DNER: variants seen among roughly 807,000 people sequenced by gnomAD.
The protein encoded by DNER is delta/notch like EGF repeat containing, also known as delta and Notch-like epidermal growth factor-related receptor.
In DNER, 33 loss-of-function variants were observed where a neutral mutation model predicts 78.2. That is an observed-to-expected ratio of 0.42 (90% CI 0.32 to 0.56). DNER has a LOEUF of 0.56. Among genes scored for constraint, DNER ranks in the 20% least tolerant of loss-of-function variants. DNER has a pLI of 0.11. For synonymous variants in DNER, 417 were observed against 384.8 expected (o/e 1.08, Z -0.98); for missense variants, 918 against 975.3 (o/e 0.94, Z 0.78).
At chr2:229,645,409 T>G (rs1303837654) in intron 1 of DNER, among the ~76,000 whole-genome samples, 1 of 152,234 alleles carries the variant, frequency 6.6e-6, no homozygotes, top group Admixed American at 6.5e-5. Context: ...ATCAAACTTA[T>G]GCTAAACAAC....
At chr2:229,499,931 C>T (rs367638836) in intron 6 of DNER, among the ~76,000 whole-genome samples, 33 of 134,824 alleles carry the variant, frequency 2.4e-4, no homozygotes, top group Non-Finnish European at 3.5e-4. Flanking sequence ...GACTTTCTTT[C>T]TTTTTTTTTT....
intron 1 of DNER, among the ~76,000 whole-genome samples, chr2:229,686,581 G>A (rs893965723): frequency 2.6e-5 from 4 of 151,940 alleles, no homozygotes; most frequent in Non-Finnish European, 4.4e-5. Flanking sequence ...AGAGACCACC[G>A]CACCCCATCT....
intron 8 of DNER, among the ~76,000 whole-genome samples, chr2:229,439,217 GC>G (rs1451692155): frequency 6.6e-6 from 1 of 152,180 alleles, no homozygotes; most frequent in Non-Finnish European, 1.5e-5. Flanking sequence ...ATTCAAGAAT[GC>G]CCACTATGGC....
intron 10 of DNER, among the ~76,000 whole-genome samples, chr2:229,395,728 A>C (rs1276757371): frequency 6.6e-6 from 1 of 152,122 alleles, no homozygotes; most frequent in African/African-American, 2.4e-5. Flanking sequence ...GTAAAACCCC[A>C]TCTCTACTAA....
chr2:229,425,665 A>C (rs1693859196), intron 8 of DNER, among the ~76,000 whole-genome samples: 1 of 152,180 alleles, frequency 6.6e-6, no homozygotes, highest in African/African-American at 2.4e-5. Flanking sequence ...TCACAGGAGT[A>C]CTTTCCCTCT....
intron 1 of DNER, among the ~76,000 whole-genome samples, chr2:229,707,095 C>G (rs1271360208): frequency 6.6e-6 from 1 of 151,644 alleles, no homozygotes; most frequent in Non-Finnish European, 1.5e-5. Flanking sequence ...CTCACTGCAA[C>G]CTCTGCCTTC....
chr2:229,358,808 C>A (rs1692148985), intron 12 of DNER, among the ~76,000 whole-genome samples, 157 bp from the exon 13 acceptor site: 2 of 152,190 alleles, frequency 1.3e-5, no homozygotes, highest in African/African-American at 4.8e-5. Flanking sequence ...AATATTAACA[C>A]TGAATGTGTA....
At position 229,591,112 on chromosome 2, in the gene DNER, T is replaced by C; in HGVS notation, c.585+468A>G. Among the ~76,000 whole-genome samples, 1 of 152,214 alleles carries C rather than the reference T, an allele frequency of 6.6e-6. No individual in the cohort carries two copies. The highest frequency in any genetic ancestry group is 1.9e-4 in the East Asian group (1 of 5,194). ...GAACAATGAGCCAATAAACTTCTTT[T>C]CTCTATAAATTGCCCAGCCTCATGT... On this transcript the variant is annotated intron_variant, in intron 2 of 12. Coordinates refer to ENST00000341772, the MANE Select transcript of DNER (RefSeq NM_139072.4). This position sits in a 1 kb window ranked among gnomAD's most constrained non-coding sequence, Gnocchi z 4.6.
intron 1 of DNER, among the ~76,000 whole-genome samples, chr2:229,693,074 C>T (rs1699607368): frequency 6.6e-6 from 1 of 151,866 alleles, no homozygotes; most frequent in Non-Finnish European, 1.5e-5. Flanking sequence ...TTCCCATAAT[C>T]CCCACATGTC....
intron 1 of DNER, among the ~76,000 whole-genome samples, chr2:229,619,431 A>G (rs1050197534): frequency 1.1e-4 from 17 of 152,208 alleles, no homozygotes; most frequent in African/African-American, 4.1e-4. Flanking sequence ...GTGCAGAGAG[A>G]CATCTGGCTT....
chr2:229,657,024 C>T (rs1698924790), intron 1 of DNER, among the ~76,000 whole-genome samples: 2 of 104,016 alleles, frequency 1.9e-5, no homozygotes, highest in African/African-American at 8.4e-5. Context: ...TGAGAACATG[C>T]CAAGATCTAC....
chr2:229,678,129 C>T (rs759419457), intron 1 of DNER, among the ~76,000 whole-genome samples: 20 of 152,170 alleles, frequency 1.3e-4, no homozygotes, highest in Admixed American at 2.6e-4. Flanking sequence ...ATTTCTCATC[C>T]GAAACCATGC....
intron 10 of DNER, among the ~76,000 whole-genome samples, chr2:229,391,159 G>A (rs1425382770): frequency 1.3e-5 from 2 of 152,184 alleles, no homozygotes; most frequent in Admixed American, 6.5e-5. Context: ...GTTTGAAGAT[G>A]CACTATGAAT....
chr2:229,593,836 G>A (rs941690399), intron 1 of DNER, among the ~76,000 whole-genome samples: 7 of 152,234 alleles, frequency 4.6e-5, no homozygotes, highest in Non-Finnish European at 1.0e-4. Flanking sequence ...TAAAACATCT[G>A]AGGTTGATCT....
chr2:229,588,274 G>A, intron 3 of DNER, 120 bp downstream of exon 3: 2 of 832,324 alleles, frequency 2.4e-6, no homozygotes, highest in Non-Finnish European at 3.8e-6. Flanking sequence ...ATCTACCCGT[G>A]GAATCTGTTC....
intron 5 of DNER, among the ~76,000 whole-genome samples, chr2:229,536,174 C>A (rs1696399889): frequency 6.6e-6 from 1 of 152,126 alleles, no homozygotes; most frequent in African/African-American, 2.4e-5. Context: ...TGGTCATTGG[C>A]TAGTTACATA....
At chr2:229,654,911 G>T (rs1185352358) in intron 1 of DNER, among the ~76,000 whole-genome samples, 2 of 151,998 alleles carry the variant, frequency 1.3e-5, no homozygotes, top group Non-Finnish European at 1.5e-5. Context: ...TAGAAGTGTT[G>T]GTTTTATAGT....
intron 1 of DNER, among the ~76,000 whole-genome samples, chr2:229,701,382 A>C (rs1020656662): frequency 6.6e-6 from 1 of 152,258 alleles, no homozygotes; most frequent in Non-Finnish European, 1.5e-5. Flanking sequence ...CTAATTAAAC[A>C]TACAAGTTTC....
chr2:229,543,373 C>T (rs141355278), intron 5 of DNER, among the ~76,000 whole-genome samples: 1,793 of 152,252 alleles, frequency 0.012, 36 homozygotes, highest in Middle Eastern at 0.048. Context: ...CAGGCAGAGC[C>T]TTCTAGCTAG....
Sources: allele counts gnomAD v4.1 joint callset (sites outside exome capture counted in the v4.1 genomes callset), GRCh38; gene constraint gnomAD v4.1.1; non-coding constraint Gnocchi (gnomAD v3.1); transcripts MANE v1.5; gene names NCBI Gene and HGNC (gene_info 2026-07-23, HGNC 2026-07-21).